Variants in ASMTL observed in about 807,000 individuals in gnomAD.
ASMTL encodes probable bifunctional dTTP/UTP pyrophosphatase/methyltransferase protein.
ASMTL carries 57 observed loss-of-function variants against 60.3 expected under a neutral mutation model. That is an observed-to-expected ratio of 0.95 (90% CI 0.76 to 1.18). The LOEUF (loss-of-function observed/expected upper bound fraction) is 1.18. Among genes scored for constraint, ASMTL ranks in the 50% most tolerant of loss-of-function variants. ASMTL has a pLI of 0.00. For missense variants in ASMTL, 981 were observed against 852.6 expected, an observed-to-expected ratio of 1.15 and a Z score of -1.88; for synonymous variants, 419 against 373.0, an observed-to-expected ratio of 1.12 and a Z score of -1.42.
intron 4 of ASMTL, 122 bp downstream of exon 4, chrX:1,435,572 A>G (rs2090939914): frequency 6.6e-6 from 6 of 913,444 alleles, no homozygotes; most frequent in Non-Finnish European, 1.1e-5. Flanking sequence ...CAGCTCAGAC[A>G]GCACAGCTCA....
chrX:1,410,841 G>C (rs1168343250), intron 12 of ASMTL, among the ~76,000 whole-genome samples: 6 of 151,880 alleles, frequency 4.0e-5, no homozygotes, highest in Admixed American at 3.9e-4. Flanking sequence ...AGTGACCTGT[G>C]ACTGCTCCAC....
At chrX:1,411,961 G>A (rs1169256277) in intron 12 of ASMTL, among the ~76,000 whole-genome samples, 17 of 151,336 alleles carry the variant, frequency 1.1e-4, no homozygotes, top group South Asian at 6.3e-4. Flanking sequence ...ACAGGCACCC[G>A]CTATCAAGCC....
At position 1,452,815 on chromosome X, in the gene ASMTL, T is replaced by C; in HGVS notation, c.26A>G (p.Lys9Arg). 1.3e-6 allele frequency: 2 copies of C among 1,594,934 alleles called. No homozygotes were observed. Among genetic ancestry groups the C allele is most frequent in the Middle Eastern group, 2.2e-4 (1 of 4,464 alleles). The stretch of plus-strand genomic sequence containing the variant: ...CAGCACCACGCGCTTGTGCAGCAGC[T>C]TCCCAATCACCGGGCACAGCACCAT... MVLCPVIG[K>R]LLHKRVVLAS... The change falls in exon 1 of 13, where the codon AAG becomes AGG. Residue 9 changes from lysine to arginine, a missense_variant. Coordinates refer to ENST00000381317, the MANE Select transcript of ASMTL (RefSeq NM_004192.4).
At position 1,428,169 on chromosome X, in the gene ASMTL, C is replaced by T. The variant is rs375994079; in HGVS notation, c.510-48G>A. ...GAGGTGACAAGGAGGAGAAAAGTTC[C>T]TGGGTCTGAACATTTCACGGCTGGG... On this transcript the variant is annotated intron_variant, in intron 6 of 12. Transcript: ENST00000381317. 60 of 1,558,924 alleles carry T rather than the reference C, an allele frequency of 3.8e-5. No homozygotes were observed. In the African/African-American group the frequency reaches 7.2e-4, roughly 19 times the overall value.
At chrX:1,440,089 CTT>C (rs1191286971) in intron 2 of ASMTL, among the ~76,000 whole-genome samples, 37 of 120,224 alleles carry the variant, frequency 3.1e-4, no homozygotes, top group Middle Eastern at 4.1e-3. Flanking sequence ...TTCTTTCTTT[CTT>C]TTTTTTTTTT....
At chrX:1,453,208 A>T (rs1194151721), upstream of ASMTL, among the ~76,000 whole-genome samples, 1 of 130,248 alleles carries the variant, frequency 7.7e-6, no homozygotes, top group Non-Finnish European at 1.6e-5. Flanking sequence ...CCGCCAGGCC[A>T]CGCCCATGTC....
chrX:1,433,546 G>A (rs2090872895), intron 5 of ASMTL, among the ~76,000 whole-genome samples: 1 of 151,340 alleles, frequency 6.6e-6, no homozygotes, highest in Non-Finnish European at 1.5e-5. Flanking sequence ...GCCGGGCGTG[G>A]TGGCGGGCCC....
rs760130208 is a variant in ASMTL, at chrX:1,452,905, G to C, written c.-65C>G. On this transcript the variant is annotated 5_prime_UTR_variant, in exon 1 of 13. Transcript: ENST00000381317. Reference sequence around the variant, plus strand: ...CCGGAGCCCGCGGTGCGCGCAGCGCGGCTGCAAAAAAAACAGGCGGCCAGA... The same window carrying C: ...CCGGAGCCCGCGGTGCGCGCAGCGCCGCTGCAAAAAAAACAGGCGGCCAGA... 9.9e-6 allele frequency: 13 copies of C among 1,312,776 alleles called. No homozygotes were observed. Among genetic ancestry groups the C allele is most frequent in the Admixed American group, 2.8e-5 (1 of 36,110 alleles). The allele number at this position is 1,312,776 out of a possible 1,614,324, so 81.3% of individuals were successfully genotyped here.
chrX:1,411,648 A>G (rs1468267142), intron 12 of ASMTL, among the ~76,000 whole-genome samples: 5 of 44,836 alleles, frequency 1.1e-4, no homozygotes, highest in African/African-American at 5.8e-4. Context: ...TCATGCGTGG[A>G]TTTCCCTCTG....
rs1365296885 is a variant in ASMTL, at chrX:1,428,333, A to G, written c.510-212T>C. 8 of 189,716 alleles carry G rather than the reference A, an allele frequency of 4.2e-5. No homozygotes were observed. The South Asian group carries it at 1.1e-3, about 25-fold the overall frequency. The allele number at this position is 189,716 out of a possible 1,614,324, so 11.8% of individuals were successfully genotyped here. On this transcript the variant is annotated intron_variant, in intron 6 of 12. Coordinates refer to ENST00000381317, the MANE Select transcript of ASMTL (RefSeq NM_004192.4). ...CGCCTTTGGCATCTCAAAAAAAAAA[A>G]AAAAAAGAAAAACAATTTCACAGCA...
chrX:1,442,380 A>G (rs1267945247), intron 1 of ASMTL, 63 bp from the exon 2 acceptor site: 5 of 1,593,172 alleles, frequency 3.1e-6, no homozygotes, highest in Admixed American at 3.4e-5. Flanking sequence ...TGAATGGGAC[A>G]TGCAAGATTT....
chrX:1,430,990 ACTT>A (rs2090758272), intron 6 of ASMTL, among the ~76,000 whole-genome samples: 1 of 136,322 alleles, frequency 7.3e-6, no homozygotes, highest in African/African-American at 2.8e-5. Flanking sequence ...ATATAATCAC[ACTT>A]TATATTATTA....
At chrX:1,436,222 G>A (rs2090959593) in intron 3 of ASMTL, among the ~76,000 whole-genome samples, 1 of 152,202 alleles carries the variant, frequency 6.6e-6, no homozygotes, top group Admixed American at 6.5e-5. Context: ...CGCCCAGGCT[G>A]GAGTGCAGTG....
intron 2 of ASMTL, among the ~76,000 whole-genome samples, chrX:1,439,426 A>G (rs2091053392): frequency 6.6e-6 from 1 of 152,190 alleles, no homozygotes; most frequent in African/African-American, 2.4e-5. Context: ...GGGAAACGCA[A>G]TGCCTGTTCC....
chrX:1,434,262 G>A (rs1249287672), intron 5 of ASMTL, among the ~76,000 whole-genome samples: 1 of 152,082 alleles, frequency 6.6e-6, no homozygotes, highest in Non-Finnish European at 1.5e-5. Context: ...GGCTGAGATG[G>A]GAGGATTTCT....
rs757537747 is a variant in ASMTL, at chrX:1,427,904, C to A, written c.727G>T (p.Gly243Trp). ...CTCTGAGTGGGCTCCGAGCCGCCCC[C>A]CTCCACGTCACTGAGGTCTTCGAAG... ...DTFEDLSDVE[G>W]GGSEPTQRDA... Residue 243 changes from glycine (G) to tryptophan (W), a missense_variant, in exon 7 of 13, where the codon GGG (glycine) becomes TGG (tryptophan). Physicochemically the swap from Gly to Trp is radical, Grantham distance 184. Coordinates refer to ENST00000381317, the MANE Select transcript of ASMTL (RefSeq NM_004192.4). 6.2e-6 allele frequency: 10 copies of A among 1,613,334 alleles called. No homozygotes were observed. Among genetic ancestry groups the A allele is most frequent in the African/African-American group, 2.7e-5 (2 of 75,060 alleles).
chrX:1,431,188 TATA>T (rs1399446675), intron 6 of ASMTL, among the ~76,000 whole-genome samples: 1 of 126,618 alleles, frequency 7.9e-6, no homozygotes, highest in Non-Finnish European at 1.6e-5. Context: ...TATAATTATA[TATA>T]ATTATATATC....
chrX:1,447,085 G>A (rs1472545227), intron 1 of ASMTL, among the ~76,000 whole-genome samples: 4 of 152,090 alleles, frequency 2.6e-5, no homozygotes, highest in South Asian at 2.1e-4. Flanking sequence ...ATGTTTCAAC[G>A]GGTGCTGCTT....
chrX:1,413,857 C>G (rs2090131353), intron 11 of ASMTL: 1 of 150,300 alleles, frequency 6.7e-6, no homozygotes. Context: ...CGCCTGGAGC[C>G]CCCAGGAGCT....
Sources: gnomAD v4.1 joint callset for allele counts (sites outside exome capture counted in the v4.1 genomes callset) on GRCh38, gnomAD v4.1.1 for gene constraint, MANE v1.5 for transcripts, NCBI Gene and HGNC (gene_info 2026-07-23, HGNC 2026-07-21) for gene names.